PPP2R2D: variants seen among roughly 807,000 people sequenced by gnomAD.
PPP2R2D encodes protein phosphatase 2 regulatory subunit Bdelta.
In PPP2R2D, 9 loss-of-function variants were observed where a neutral mutation model predicts 31.1. The ratio of observed to expected loss-of-function variants is 0.29; its 90% confidence interval spans 0.17 to 0.51. PPP2R2D has a LOEUF of 0.51. Ranked by LOEUF, PPP2R2D falls within the 20% of genes least tolerant of loss-of-function variation. The pLI, the probability that PPP2R2D is intolerant of heterozygous loss-of-function variation, is 0.98. For missense variants in PPP2R2D, 391 were observed against 465.6 expected (o/e 0.84, Z 1.48); for synonymous variants, 179 against 172.6 (o/e 1.04, Z -0.29).
intron 2 of PPP2R2D, among the ~76,000 whole-genome samples, chr10:131,905,772 G>A (rs1255737409): frequency 6.6e-6 from 1 of 152,228 alleles, no homozygotes; most frequent in African/African-American, 2.4e-5. Flanking sequence ...CCGACTGGCC[G>A]CAGAGCCGTG....
intron 2 of PPP2R2D, among the ~76,000 whole-genome samples, chr10:131,930,288 C>T (rs527803400): frequency 2.0e-5 from 3 of 152,282 alleles, no homozygotes; most frequent in African/African-American, 7.2e-5. Flanking sequence ...CAGCTCTCAG[C>T]TCTTCTTGTC....
the PPP2R2D span, chr10:131,968,845 CT>C: frequency 3.1e-6 from 1 of 323,720 alleles, no homozygotes; most frequent in South Asian, 3.4e-5. Flanking sequence ...AAAGCTTCTG[CT>C]TTGTTCCAAC....
chr10:131,925,634 T>C (rs1179587702), intron 2 of PPP2R2D, among the ~76,000 whole-genome samples: 1 of 152,242 alleles, frequency 6.6e-6, no homozygotes, highest in Non-Finnish European at 1.5e-5. Flanking sequence ...TGCAGAATTT[T>C]CTATTTTGTC....
At chr10:131,905,434 T>G (rs1220301347) in intron 2 of PPP2R2D, among the ~76,000 whole-genome samples, 1 of 152,216 alleles carries the variant, frequency 6.6e-6, no homozygotes, top group Non-Finnish European at 1.5e-5. Context: ...CAGCATGTGA[T>G]GTGTTTTGCA....
chr10:131,908,356 A>G (rs1167142695), intron 2 of PPP2R2D, among the ~76,000 whole-genome samples: 4 of 151,970 alleles, frequency 2.6e-5, no homozygotes, highest in Admixed American at 6.6e-5. Flanking sequence ...TCCACCTCCA[A>G]TCCCACTTGG....
At position 131,901,347 on chromosome 10, in the gene PPP2R2D, G is replaced by GCCCCGCC. The variant is rs2035490769; in HGVS notation, c.100+20_100+26dup. On this transcript the variant is annotated intron_variant, in intron 2 of 8. Transcript: ENST00000455566. The stretch of plus-strand genomic sequence containing the variant: ...TGGCCGAAGGTGAGCCCCGCGCCGC[G>GCCCCGCC]CCCCGCCCCGGGACCCTCGCGGACA... 1 of 355,860 alleles carries GCCCCGCC rather than the reference G, an allele frequency of 2.8e-6. No homozygotes were observed. The highest frequency in any genetic ancestry group is 4.7e-5 in the Admixed American group (1 of 21,202). 22.0% of individuals were successfully genotyped at this position (355,860 alleles called of 1,614,324 possible).
At chr10:131,927,839 G>C (rs1387707032) in intron 2 of PPP2R2D, among the ~76,000 whole-genome samples, 1 of 152,206 alleles carries the variant, frequency 6.6e-6, no homozygotes, top group Non-Finnish European at 1.5e-5. Flanking sequence ...CACAGTTTAT[G>C]CATCTTTTCT....
intron 7 of PPP2R2D, among the ~76,000 whole-genome samples, chr10:131,946,934 G>T (rs1343491887): frequency 2.6e-5 from 4 of 151,924 alleles, no homozygotes; most frequent in Non-Finnish European, 5.9e-5. Flanking sequence ...GGCTGGCTTT[G>T]ACCGGCGGGA....
intron 3 of PPP2R2D, among the ~76,000 whole-genome samples, chr10:131,939,166 G>T (rs2036397644): frequency 1.7e-5 from 1 of 58,606 alleles, no homozygotes; most frequent in African/African-American, 6.6e-5. Context: ...GCATTCGGCA[G>T]ACCTGCTCCA....
intron 2 of PPP2R2D, among the ~76,000 whole-genome samples, chr10:131,926,808 C>T (rs1375294404): frequency 6.6e-6 from 1 of 152,266 alleles, no homozygotes; most frequent in African/African-American, 2.4e-5. Flanking sequence ...GAGCAGGAAA[C>T]AAATGGCCTT....
downstream of PPP2R2D, among the ~76,000 whole-genome samples, chr10:131,964,666 G>GTTTTTT (rs60096905): frequency 1.5e-5 from 2 of 133,798 alleles, no homozygotes; most frequent in Non-Finnish European, 1.6e-5. Context: ...AGTTTACTAT[G>GTTTTTT]TTTTTTTTTT....
At chr10:131,946,714 A>G (rs1262532151) in intron 7 of PPP2R2D, among the ~76,000 whole-genome samples, 5 of 152,148 alleles carry the variant, frequency 3.3e-5, no homozygotes, top group African/African-American at 1.2e-4. Context: ...TTCAGATGCT[A>G]AGCCGACAAA....
rs1205863746 is a variant in PPP2R2D, at chr10:131,936,903, C to T, written c.198+2348C>T. On this transcript the variant is annotated intron_variant, in intron 3 of 8. Coordinates refer to ENST00000455566, the MANE Select transcript of PPP2R2D (RefSeq NM_018461.5). ...TTTTAGAGCATTCGGCTGGTTGCCC[C>T]ATGTGCCCTTCCCTGTGGACTTGAG... 3.3e-5 allele frequency among the ~76,000 whole-genome samples: 5 copies of T among 152,246 alleles called. No individual in the cohort carries two copies. The South Asian group carries it at 8.3e-4, about 25-fold the overall frequency.
chr10:131,926,991 G>GT (rs782455095), intron 2 of PPP2R2D, among the ~76,000 whole-genome samples: 5 of 152,206 alleles, frequency 3.3e-5, no homozygotes, highest in Non-Finnish European at 7.3e-5. Context: ...AGGAGAGGGT[G>GT]TGGTGACCAC....
chr10:131,927,780 A>G (rs138252351), intron 2 of PPP2R2D, among the ~76,000 whole-genome samples: 58 of 152,234 alleles, frequency 3.8e-4, no homozygotes, highest in African/African-American at 1.0e-3. Context: ...GTGTTACGCG[A>G]TGGTCATTTG....
At chr10:131,923,831 T>C (rs2036042974) in intron 2 of PPP2R2D, among the ~76,000 whole-genome samples, 1 of 152,152 alleles carries the variant, frequency 6.6e-6, no homozygotes, top group South Asian at 2.1e-4. Context: ...GGTGCTGTCA[T>C]AGCTCACTGT....
the PPP2R2D span, chr10:131,969,045 C>T: frequency 0.14 from 22,570 of 158,004 alleles, 1,697 homozygotes; most frequent in Middle Eastern, 0.16. Context: ...TAGAGAGGCT[C>T]GCTCCAGCTG....
the PPP2R2D span, among the ~76,000 whole-genome samples, chr10:131,966,097 G>C: frequency 6.6e-6 from 1 of 152,196 alleles, no homozygotes; most frequent in Non-Finnish European, 1.5e-5. Flanking sequence ...TGGTTTGTGT[G>C]TCCAAAGCAT....
chr10:131,968,531 G>T, the PPP2R2D span: 22 of 1,598,892 alleles, frequency 1.4e-5, no homozygotes, highest in Non-Finnish European at 1.9e-5. Context: ...TCATCAAAAG[G>T]TGCTGGTGGA....
Sources: allele counts gnomAD v4.1 joint callset (sites outside exome capture counted in the v4.1 genomes callset), GRCh38; gene constraint gnomAD v4.1.1; transcripts MANE v1.5; gene names NCBI Gene and HGNC (gene_info 2026-07-23, HGNC 2026-07-21).